The following DOCK2 variants were observed in gnomAD, a reference collection of about 807,000 sequenced individuals.
The protein encoded by DOCK2 is dedicator of cytokinesis protein 2.
DOCK2 carries 87 observed loss-of-function variants against 248.9 expected under a neutral mutation model. The observed-to-expected ratio is 0.35, with a 90% confidence interval of 0.29 to 0.42. DOCK2 has a LOEUF of 0.42. Among genes scored for constraint, DOCK2 ranks in the 10% least tolerant of loss-of-function variants. DOCK2 has a pLI of 1.00. For synonymous variants in DOCK2, 805 were observed against 821.6 expected (o/e 0.98, Z 0.35); for missense variants, 1,747 against 2,300.2 (o/e 0.76, Z 4.92).
intron 10 of DOCK2, among the ~76,000 whole-genome samples, chr5:169,696,416 A>G (rs905966909): frequency 1.3e-5 from 2 of 152,224 alleles, no homozygotes; most frequent in Non-Finnish European, 2.9e-5. Flanking sequence ...GTACAGCAAC[A>G]TCAGCTCTGC....
intron 25 of DOCK2, among the ~76,000 whole-genome samples, chr5:169,773,763 T>C (rs1214268383): frequency 6.6e-6 from 1 of 152,152 alleles, no homozygotes; most frequent in Non-Finnish European, 1.5e-5. Context: ...GGAGCTCCCA[T>C]AATTCCCACG....
At chr5:169,744,372 C>G (rs756317500) in intron 22 of DOCK2, among the ~76,000 whole-genome samples, 1 of 152,134 alleles carries the variant, frequency 6.6e-6, no homozygotes, top group African/African-American at 2.4e-5. Context: ...GATGGTGAAG[C>G]CAAGTCACTT....
At chr5:169,680,013 C>T (rs17736733) in intron 6 of DOCK2, among the ~76,000 whole-genome samples, 30,283 of 152,066 alleles carry the variant, frequency 0.2, 3,370 homozygotes, top group South Asian at 0.31. Context: ...CTCTTCATCT[C>T]AATATCAAGT....
intron 27 of DOCK2, among the ~76,000 whole-genome samples, chr5:169,888,903 A>C (rs1216725732): frequency 6.6e-6 from 1 of 152,190 alleles, no homozygotes; most frequent in African/African-American, 2.4e-5. Flanking sequence ...GAAGGAATGT[A>C]CAAAGATGGC....
intron 25 of DOCK2, among the ~76,000 whole-genome samples, chr5:169,802,681 A>G (rs1442690923): frequency 1.3e-5 from 2 of 152,232 alleles, no homozygotes; most frequent in Admixed American, 6.5e-5. Flanking sequence ...TGATAAACAC[A>G]TAAGTAAAAT....
At chr5:169,870,340 A>G (rs1199338592) in intron 27 of DOCK2, among the ~76,000 whole-genome samples, 1 of 152,190 alleles carries the variant, frequency 6.6e-6, no homozygotes, top group African/African-American at 2.4e-5. Context: ...AAGCAGCAAG[A>G]GCCCCAAGTC....
intron 27 of DOCK2, among the ~76,000 whole-genome samples, chr5:169,867,338 CA>C (rs904603405): frequency 6.6e-6 from 1 of 152,094 alleles, no homozygotes; most frequent in African/African-American, 2.4e-5. Context: ...CTAACTCACC[CA>C]ACGTGATAAC....
chr5:170,029,681 C>A (rs6894063), intron 34 of DOCK2, among the ~76,000 whole-genome samples: 44,132 of 151,960 alleles, frequency 0.29, 6,944 homozygotes, highest in East Asian at 0.58. Flanking sequence ...GGCTTAGGAA[C>A]ATGACCCAGA....
intron 51 of DOCK2, among the ~76,000 whole-genome samples, chr5:170,082,483 C>T (rs113457097): frequency 0.017 from 2,547 of 152,276 alleles, 48 homozygotes; most frequent in Admixed American, 0.03. Context: ...CATGAGCACA[C>T]GATGAGTCAG....
intron 1 of DOCK2, among the ~76,000 whole-genome samples, chr5:169,641,978 G>C (rs1385171568): frequency 6.6e-6 from 1 of 152,234 alleles, no homozygotes; most frequent in African/African-American, 2.4e-5. Flanking sequence ...TGGTGAGGGT[G>C]CTGCCCCTGG....
intron 27 of DOCK2, among the ~76,000 whole-genome samples, chr5:169,897,919 A>C (rs1048934406): frequency 1.3e-5 from 2 of 152,214 alleles, no homozygotes; most frequent in Non-Finnish European, 1.5e-5. Context: ...CTCTAATAAA[A>C]ACCATTTCCT....
At chr5:170,049,896 C>T (rs1756853852) in intron 40 of DOCK2, among the ~76,000 whole-genome samples, 1 of 152,160 alleles carries the variant, frequency 6.6e-6, no homozygotes, top group Non-Finnish European at 1.5e-5. Flanking sequence ...CAGGTCCAGC[C>T]CACATGGCCC....
intron 25 of DOCK2, among the ~76,000 whole-genome samples, chr5:169,765,123 T>C (rs1325228167): frequency 6.6e-6 from 1 of 151,148 alleles, no homozygotes; most frequent in African/African-American, 2.4e-5. Flanking sequence ...AGTTTTTTCC[T>C]TGTTTTCTTT....
intron 49 of DOCK2, 47 bp downstream of exon 49, chr5:170,079,193 C>T (rs1187689341): frequency 2.5e-6 from 4 of 1,585,340 alleles, no homozygotes; most frequent in Non-Finnish European, 3.4e-6. Flanking sequence ...TAGCACATTT[C>T]CACTACATGC....
chr5:169,894,780 A>G (rs1345760861), intron 27 of DOCK2, among the ~76,000 whole-genome samples: 1 of 152,152 alleles, frequency 6.6e-6, no homozygotes, highest in African/African-American at 2.4e-5. Context: ...ACCATTATGC[A>G]CTGGGCCCCA....
intron 44 of DOCK2, among the ~76,000 whole-genome samples, chr5:170,065,319 A>G (rs1414868925): frequency 1.3e-5 from 2 of 152,228 alleles, no homozygotes; most frequent in Non-Finnish European, 2.9e-5. Context: ...ACAAAGGAAG[A>G]AAGTAATAAA....
chr5:169,755,576 C>G (rs985466808), intron 23 of DOCK2, among the ~76,000 whole-genome samples: 4 of 151,946 alleles, frequency 2.6e-5, no homozygotes, highest in African/African-American at 9.7e-5. Context: ...AATCCTGTCT[C>G]TACTATAAAT....
chr5:169,788,546 G>T (rs1479423596), intron 25 of DOCK2, among the ~76,000 whole-genome samples: 1 of 152,154 alleles, frequency 6.6e-6, no homozygotes, highest in Non-Finnish European at 1.5e-5. Context: ...AAAAGCTATG[G>T]TTCCTGCAAG....
intron 25 of DOCK2, among the ~76,000 whole-genome samples, chr5:169,783,610 T>A (rs1484822720): frequency 6.6e-6 from 1 of 152,160 alleles, no homozygotes; most frequent in Non-Finnish European, 1.5e-5. Flanking sequence ...TATTATCAGT[T>A]TGAAGTTAGA....
Sources: allele counts gnomAD v4.1 joint callset (sites outside exome capture counted in the v4.1 genomes callset), GRCh38; gene constraint gnomAD v4.1.1; transcripts MANE v1.5; gene names NCBI Gene and HGNC (gene_info 2026-07-23, HGNC 2026-07-21).